Variants in BHMT2 observed in about 807,000 individuals in gnomAD.
BHMT2 encodes the protein betaine--homocysteine S-methyltransferase 2.
BHMT2 carries 28 observed loss-of-function variants against 39.0 expected under a neutral mutation model. That is an observed-to-expected ratio of 0.72 (90% CI 0.53 to 0.98). The LOEUF is 0.98. BHMT2 is among the 50% of genes least tolerant of loss of function. The pLI is 0.00. For missense variants in BHMT2, 410 were observed against 455.6 expected, an observed-to-expected ratio of 0.90 and a Z score of 0.91; for synonymous variants, 145 against 160.6, an observed-to-expected ratio of 0.90 and a Z score of 0.74.
chr5:79,081,886 G>A (rs996998198), intron 4 of BHMT2, among the ~76,000 whole-genome samples: 6 of 151,880 alleles, frequency 4.0e-5, no homozygotes, highest in South Asian at 2.1e-4. Context: ...GAGAATAGCC[G>A]CCACCATTAT....
chr5:79,077,611 A>G lies in BHMT2; in HGVS notation c.165A>G (p.Ala55=), dbSNP rs764038658. ...AGGCAGTGATAGAACACCCAGACGC[A>G]GGTTGGTGTCCACATCCCCAAGAGT... ...TPEAVIEHPD[A]VRQLHMEFLR... Residue 55 remains alanine, a splice_region_variant and synonymous_variant, in exon 2 of 8, where the codon GCA becomes GCG. Transcript: ENST00000255192. 6.2e-7 allele frequency: 1 copy of G among 1,613,292 alleles called. No homozygotes were observed. The highest frequency in any genetic ancestry group is 8.5e-7 in the Non-Finnish European group (1 of 1,179,628).
In BHMT2 at chr5:79,083,324, C is replaced by G. The variant is rs761971562; in HGVS notation, c.731C>G (p.Ala244Gly). Residue 244 changes from alanine to glycine, a missense_variant, in exon 6 of 8, where the codon GCG (alanine) becomes GGG (glycine). Ala to Gly is a moderately conservative substitution (Grantham distance 60, BLOSUM62 0). Coordinates refer to ENST00000255192, the MANE Select transcript of BHMT2 (RefSeq NM_017614.5). ...HLMVQPLGFH[A>G]PDCGKEGFVD... ...ATGGTGCAGCCTCTGGGGTTCCACG[C>G]GCCTGACTGTGGCAAAGAGGGGTTT... 3 of 1,610,730 alleles carry G rather than the reference C, an allele frequency of 1.9e-6. No individual in the cohort carries two copies. The East Asian group carries it at 6.7e-5, about 36-fold the overall frequency.
At chr5:79,073,684 T>C (rs994668488) in intron 1 of BHMT2, among the ~76,000 whole-genome samples, 2 of 152,178 alleles carry the variant, frequency 1.3e-5, no homozygotes, top group Admixed American at 1.3e-4. Flanking sequence ...AGATATAAAA[T>C]ATGGAAAAAT....
chr5:79,086,172 C>T (rs186564261), intron 7 of BHMT2, among the ~76,000 whole-genome samples: 16 of 152,280 alleles, frequency 1.1e-4, no homozygotes, highest in Admixed American at 5.2e-4. Context: ...TTGTCCTCCC[C>T]GGTAATTCTC....
At chr5:79,084,053 C>T (rs1278494733) in intron 7 of BHMT2, among the ~76,000 whole-genome samples, 197 bp downstream of exon 7, 1 of 152,158 alleles carries the variant, frequency 6.6e-6, no homozygotes, top group African/African-American at 2.4e-5. Context: ...ATACCATAAA[C>T]TGGGTGGCTT....
intron 1 of BHMT2, among the ~76,000 whole-genome samples, chr5:79,070,163 G>A (rs1321593262): frequency 1.3e-5 from 2 of 152,208 alleles, no homozygotes; most frequent in African/African-American, 4.8e-5. Context: ...GCTTTCGGAC[G>A]CATGTCGCGC....
At chr5:79,080,935 G>T (rs1334475324) in intron 4 of BHMT2, 57 bp downstream of exon 4, 3 of 1,443,014 alleles carry the variant, frequency 2.1e-6, no homozygotes, top group Admixed American at 5.0e-5. Context: ...TAACTGCAGA[G>T]TCTTCACATT....
At chr5:79,083,123 C>T (rs61306964) in intron 5 of BHMT2, 69 bp from the exon 6 acceptor site, 24 of 1,588,894 alleles carry the variant, frequency 1.5e-5, no homozygotes, top group South Asian at 2.3e-5. Context: ...CTCTAAGGTA[C>T]CTTCCAACTA....
intron 1 of BHMT2, 81 bp downstream of exon 1, chr5:79,069,896 C>G (rs2112688591): frequency 1.6e-6 from 2 of 1,286,292 alleles, no homozygotes; most frequent in South Asian, 2.5e-5. Flanking sequence ...GCGTCCATCC[C>G]TAGCCAAGCC....
intron 7 of BHMT2, among the ~76,000 whole-genome samples, chr5:79,084,425 C>A (rs1309267407): frequency 6.6e-6 from 1 of 152,140 alleles, no homozygotes; most frequent in Admixed American, 6.5e-5. Flanking sequence ...AGGCGCCCAC[C>A]ACCACATCCG....
At chr5:79,079,593 C>T (rs1035631492) in intron 3 of BHMT2, 133 bp downstream of exon 3, 22 of 677,250 alleles carry the variant, frequency 3.2e-5, no homozygotes, top group South Asian at 2.3e-4. Context: ...TTAATTTTCA[C>T]GTGAAGATAT....
chr5:79,081,909 C>A (rs74291609), intron 4 of BHMT2, among the ~76,000 whole-genome samples: 1 of 152,112 alleles, frequency 6.6e-6, no homozygotes, highest in Non-Finnish European at 1.5e-5. Context: ...CCCCTAGTGA[C>A]CCCACTGAAC....
At chr5:79,086,961 T>G (rs2112705926) in intron 7 of BHMT2, among the ~76,000 whole-genome samples, 1 of 149,978 alleles carries the variant, frequency 6.7e-6, no homozygotes, top group Admixed American at 6.7e-5. Context: ...ACTCTGTCTC[T>G]CTCTATCTTT....
rs116088559 is a variant in BHMT2 at position 79,074,622 on chromosome 5, C to T, written c.34-2858C>T. Reference sequence around the variant, plus strand: ...TTGTTCCTTGGTATCCAAGGAAGCTCGCTCCTGACACCTGGGTGGGTCACT... The same window carrying T: ...TTGTTCCTTGGTATCCAAGGAAGCTTGCTCCTGACACCTGGGTGGGTCACT... On this transcript the variant is annotated intron_variant, in intron 1 of 7. Transcript: ENST00000255192. Among the ~76,000 whole-genome samples, 1,481 of 152,288 alleles carry T rather than the reference C, an allele frequency of 9.7e-3. 18 individuals are homozygous for T. The highest frequency in any genetic ancestry group is 0.031 in the African/African-American group (1,288 of 41,548).
At chr5:79,074,076 C>A (rs989103653) in intron 1 of BHMT2, among the ~76,000 whole-genome samples, 1 of 152,198 alleles carries the variant, frequency 6.6e-6, no homozygotes, top group Admixed American at 6.5e-5. Flanking sequence ...GTCCTGAAGC[C>A]AACAGTTCAA....
At chr5:79,079,042 C>A (rs1422086) in intron 2 of BHMT2, among the ~76,000 whole-genome samples, 78,824 of 152,008 alleles carry the variant, frequency 0.52, 22,132 homozygotes, top group East Asian at 0.61. Context: ...TAGACCAGCT[C>A]TGTCCTTTAC....
intron 5 of BHMT2, 68 bp from the exon 6 acceptor site, chr5:79,083,124 C>T (rs1755822785): frequency 4.4e-6 from 7 of 1,589,252 alleles, no homozygotes; most frequent in Non-Finnish European, 6.0e-6. Context: ...TCTAAGGTAC[C>T]TTCCAACTAT....
chr5:79,083,077 T>C, intron 5 of BHMT2, 115 bp from the exon 6 acceptor site: 1 of 1,572,286 alleles, frequency 6.4e-7, no homozygotes, highest in South Asian at 1.1e-5. Context: ...AGTTTTCTTA[T>C]CTGTAAATTG....
chr5:79,082,710 T>C, intron 4 of BHMT2, 99 bp from the exon 5 acceptor site: 1 of 1,404,694 alleles, frequency 7.1e-7, no homozygotes, highest in South Asian at 1.3e-5. Flanking sequence ...ATGTTTATAT[T>C]CTATTTGGTA....
Sources: gnomAD v4.1 joint callset for allele counts (sites outside exome capture counted in the v4.1 genomes callset) on GRCh38, gnomAD v4.1.1 for gene constraint, MANE v1.5 for transcripts, NCBI Gene and HGNC (gene_info 2026-07-23, HGNC 2026-07-21) for gene names.